The following CCDC25 variants were observed in gnomAD, a reference collection of about 807,000 sequenced individuals.
CCDC25 encodes the protein coiled-coil domain-containing protein 25.
In CCDC25, 16 loss-of-function variants were observed where a neutral mutation model predicts 35.3. The observed-to-expected ratio is 0.45, with a 90% CI of 0.31 to 0.69. The LOEUF is 0.69. Among genes scored for constraint, CCDC25 ranks in the 30% least tolerant of loss-of-function variants. The pLI, the probability that CCDC25 is intolerant of heterozygous loss-of-function variation, is 0.06. For missense variants in CCDC25, 179 were observed against 250.7 expected, an observed-to-expected ratio of 0.71 and a Z score of 1.93; for synonymous variants, 79 against 80.3, an observed-to-expected ratio of 0.98 and a Z score of 0.09.
intron 7 of CCDC25, among the ~76,000 whole-genome samples, chr8:27,745,460 T>G (rs1803572648): frequency 6.6e-6 from 1 of 152,212 alleles, no homozygotes; most frequent in Admixed American, 6.5e-5. Context: ...GACTTAATTT[T>G]GATGTAATAA....
chr8:27,749,217 C>A (rs896454712), intron 5 of CCDC25, among the ~76,000 whole-genome samples: 4 of 152,220 alleles, frequency 2.6e-5, no homozygotes, highest in Non-Finnish European at 4.4e-5. Flanking sequence ...CACTCCTCCT[C>A]CTGCCCCTTC....
intron 7 of CCDC25, chr8:27,747,748 T>C (rs1803652949): frequency 3.5e-6 from 1 of 288,436 alleles, no homozygotes; most frequent in Non-Finnish European, 6.5e-6. Context: ...TAGTCAATAG[T>C]AAATACCTCC....
At chr8:27,750,778 G>C (rs1309284250) in intron 5 of CCDC25, among the ~76,000 whole-genome samples, 1 of 152,160 alleles carries the variant, frequency 6.6e-6, no homozygotes, top group Admixed American at 6.5e-5. Context: ...GGTGAACACA[G>C]AACAGGCTGA....
At chr8:27,748,467 G>C in intron 6 of CCDC25, 28 bp downstream of exon 6, 1 of 1,543,524 alleles carries the variant, frequency 6.5e-7, no homozygotes, top group Non-Finnish European at 8.9e-7. Context: ...TCAGGGCTCC[G>C]CCTCCTTCAG....
Position 27,770,913 on chromosome 8 carries a change from C to T in CCDC25, c.28+1600G>A, listed in dbSNP as rs113880386. 9.1e-3 allele frequency among the ~76,000 whole-genome samples: 1,383 copies of T among 152,222 alleles called. 9 individuals carry two copies. Among genetic ancestry groups the T allele is most frequent in the Non-Finnish European group, 0.014 (969 of 68,010 alleles). ...ACGTTAGGGAAACAAGTACAGTAGTCCCCCCTTATCTGTGGGGGATGTCTT... is the reference window on the plus strand; with the variant it reads ...ACGTTAGGGAAACAAGTACAGTAGTTCCCCCTTATCTGTGGGGGATGTCTT... On this transcript the variant is annotated intron_variant, in intron 1 of 8. Transcript: ENST00000356537.
intron 1 of CCDC25, among the ~76,000 whole-genome samples, chr8:27,769,959 T>C (rs894657132): frequency 6.6e-6 from 1 of 152,156 alleles, no homozygotes; most frequent in African/African-American, 2.4e-5. Context: ...CTGGCCAATA[T>C]GGTGAAACCC....
At chr8:27,760,565 T>A (rs527939974) in intron 3 of CCDC25, among the ~76,000 whole-genome samples, 14 of 152,280 alleles carry the variant, frequency 9.2e-5, no homozygotes, top group Non-Finnish European at 2.1e-4. Context: ...AATCAACCAA[T>A]ATTTACTGAA....
At chr8:27,769,272 G>A (rs1318842953) in intron 1 of CCDC25, among the ~76,000 whole-genome samples, 2 of 152,084 alleles carry the variant, frequency 1.3e-5, no homozygotes, top group Admixed American at 6.5e-5. Flanking sequence ...TTTTCTAACA[G>A]GAAACAGTTC....
At chr8:27,745,807 C>T (rs1373007014) in intron 7 of CCDC25, among the ~76,000 whole-genome samples, 6 of 152,110 alleles carry the variant, frequency 3.9e-5, no homozygotes, top group East Asian at 1.9e-4. Flanking sequence ...GTGTGGCACA[C>T]GGTTAACGGA....
intron 7 of CCDC25, among the ~76,000 whole-genome samples, chr8:27,741,483 A>G (rs1293706908): frequency 2.0e-5 from 3 of 152,226 alleles, no homozygotes; most frequent in Non-Finnish European, 4.4e-5. Flanking sequence ...GTTCGAGAGC[A>G]GCCTGACCAA....
chr8:27,748,367 C>A, intron 6 of CCDC25, 88 bp from the exon 7 acceptor site: 1 of 1,361,516 alleles, frequency 7.3e-7, no homozygotes, highest in Non-Finnish European at 1.0e-6. Flanking sequence ...GTTTAGCAAC[C>A]CAGTTTAATT....
intron 1 of CCDC25, among the ~76,000 whole-genome samples, chr8:27,770,591 T>C (rs979757469): frequency 2.0e-5 from 3 of 151,362 alleles, no homozygotes; most frequent in Non-Finnish European, 2.9e-5. Context: ...AATACAAAAT[T>C]AGCCAGGCTT....
At chr8:27,738,909 T>G (rs11136006) in intron 8 of CCDC25, among the ~76,000 whole-genome samples, 65,964 of 151,920 alleles carry the variant, frequency 0.43, 14,576 homozygotes, top group East Asian at 0.63. Flanking sequence ...ATAATGATAT[T>G]CTGGAAAAAC....
At chr8:27,743,675 C>T (rs1393345683) in intron 7 of CCDC25, among the ~76,000 whole-genome samples, 1 of 152,218 alleles carries the variant, frequency 6.6e-6, no homozygotes, top group African/African-American at 2.4e-5. Context: ...AGGAGGATCA[C>T]TTGAGCTCAG....
chr8:27,763,436 T>C (rs1804292723), intron 2 of CCDC25, among the ~76,000 whole-genome samples: 3 of 152,294 alleles, frequency 2.0e-5, no homozygotes, highest in Middle Eastern at 3.4e-3. Context: ...TCATAAACAA[T>C]ACTGGGCACA....
intron 4 of CCDC25, among the ~76,000 whole-genome samples, chr8:27,753,471 GA>G (rs1047234609): frequency 6.6e-6 from 1 of 152,176 alleles, no homozygotes; most frequent in Non-Finnish European, 1.5e-5. Context: ...AGCACTTTGG[GA>G]AGCCAAGGCA....
At chr8:27,758,952 A>G (rs1300836554) in intron 3 of CCDC25, among the ~76,000 whole-genome samples, 1 of 152,212 alleles carries the variant, frequency 6.6e-6, no homozygotes, top group Non-Finnish European at 1.5e-5. Context: ...CTCTACAAAG[A>G]GCAGGGGAGA....
At chr8:27,763,297 C>A (rs1445140207) in intron 2 of CCDC25, among the ~76,000 whole-genome samples, 2 of 152,142 alleles carry the variant, frequency 1.3e-5, no homozygotes, top group Admixed American at 1.3e-4. Flanking sequence ...AGTGAATGCA[C>A]ATTTTTTAAG....
chr8:27,747,042 A>G (rs541648732), intron 7 of CCDC25, among the ~76,000 whole-genome samples: 24 of 152,326 alleles, frequency 1.6e-4, no homozygotes, highest in African/African-American at 5.1e-4. Context: ...ACAAACATGG[A>G]AAAATCTAGG....
Sources: gnomAD v4.1 joint callset for allele counts (sites outside exome capture counted in the v4.1 genomes callset) on GRCh38, gnomAD v4.1.1 for gene constraint, MANE v1.5 for transcripts, NCBI Gene and HGNC (gene_info 2026-07-23, HGNC 2026-07-21) for gene names.